Variants in PACS1 observed in about 807,000 individuals in gnomAD.
PACS1 encodes phosphofurin acidic cluster sorting protein 1.
In PACS1, 24 loss-of-function variants were observed where a neutral mutation model predicts 115.0. That is an observed-to-expected ratio of 0.21 (90% CI 0.15 to 0.29). PACS1 has a LOEUF of 0.29. Among genes scored for constraint, PACS1 ranks in the 10% least tolerant of loss-of-function variants. The probability of loss-of-function intolerance (pLI) is 1.00; values close to 1 mark genes in which losing one functional copy is unlikely to be tolerated. For missense variants in PACS1, 838 were observed against 1,251.2 expected, an observed-to-expected ratio of 0.67 and a Z score of 4.98; for synonymous variants, 453 against 504.5, an observed-to-expected ratio of 0.90 and a Z score of 1.37.
intron 1 of PACS1, among the ~76,000 whole-genome samples, chr11:66,090,640 C>T (rs1307942556): frequency 1.3e-5 from 2 of 152,098 alleles, no homozygotes; most frequent in Non-Finnish European, 1.5e-5. Context: ...TGTTGGGATT[C>T]CTGTGTCTTA....
intron 1 of PACS1, among the ~76,000 whole-genome samples, chr11:66,158,897 T>C (rs1859422822): frequency 6.6e-6 from 1 of 152,028 alleles, no homozygotes; most frequent in African/African-American, 2.4e-5. Context: ...AAAAAAGTGA[T>C]GAAAAAGACC....
intron 1 of PACS1, among the ~76,000 whole-genome samples, chr11:66,108,466 C>T (rs1858104254): frequency 6.6e-6 from 1 of 152,122 alleles, no homozygotes; most frequent in Non-Finnish European, 1.5e-5. Flanking sequence ...CCCACACCTG[C>T]AATCTCAGAG....
chr11:66,132,460 G>A (rs56889095), intron 1 of PACS1, among the ~76,000 whole-genome samples: 1 of 152,076 alleles, frequency 6.6e-6, no homozygotes, highest in Non-Finnish European at 1.5e-5. Flanking sequence ...AGATGCTTAA[G>A]TTCCTTATAT....
intron 10 of PACS1, among the ~76,000 whole-genome samples, chr11:66,226,402 A>C (rs1352035673): frequency 1.3e-5 from 2 of 152,204 alleles, no homozygotes; most frequent in Non-Finnish European, 2.9e-5. Flanking sequence ...ACATATGGCA[A>C]TGATTGGAGA....
At position 66,220,715 on chromosome 11, in the gene PACS1, A is replaced by G; in HGVS notation, c.1123A>G (p.Met375Val). The change falls in exon 9 of 24, where the codon ATG becomes GTG. Residue 375 changes from methionine to valine, a missense_variant. By Grantham distance (21) the Met-to-Val change is conservative. Coordinates refer to ENST00000320580, the MANE Select transcript of PACS1 (RefSeq NM_018026.4). ...GGATGAATTGTATGACAGTCTGGAGATGTACAACCCCAGCGACAGTGGCCC... is the reference window on the plus strand; with the variant it reads ...GGATGAATTGTATGACAGTCTGGAGGTGTACAACCCCAGCGACAGTGGCCC... ...DLDELYDSLE[M>V]YNPSDSGPEM... The G allele has an allele frequency of 6.2e-7, 1 of 1,614,026 alleles. No individual in the cohort carries two copies. Among genetic ancestry groups the G allele is most frequent in the Non-Finnish European group, 8.5e-7 (1 of 1,179,962 alleles).
At position 66,241,454 on chromosome 11, in the gene PACS1, G is replaced by T; in HGVS notation, c.2457G>T (p.Val819=). 1 of 1,606,822 alleles carries T rather than the reference G, an allele frequency of 6.2e-7. No individual in the cohort carries two copies. Among genetic ancestry groups the T allele is most frequent in the South Asian group, 1.1e-5 (1 of 89,814 alleles). Reference sequence around the variant, plus strand: ...GCCCTAATAGCCCATATGGGGACGTGATTGGCCTCCAGGTGGACTACTGGC... The same window carrying T: ...GCCCTAATAGCCCATATGGGGACGTTATTGGCCTCCAGGTGGACTACTGGC... ...VGSPNSPYGD[V]IGLQVDYWLG... The change falls in exon 22 of 24, where the codon GTG becomes GTT. Residue 819 remains valine, a synonymous_variant. Coordinates refer to ENST00000320580, the MANE Select transcript of PACS1 (RefSeq NM_018026.4).
chr11:66,118,762 A>G (rs1312892645), intron 1 of PACS1, among the ~76,000 whole-genome samples: 1 of 103,600 alleles, frequency 9.7e-6, no homozygotes, highest in East Asian at 2.9e-4. Flanking sequence ...GCGAAACCCC[A>G]TGTCTACAAA....
intron 1 of PACS1, among the ~76,000 whole-genome samples, chr11:66,091,458 A>T (rs1413125812): frequency 6.6e-6 from 1 of 151,552 alleles, no homozygotes; most frequent in Admixed American, 6.6e-5. Context: ...ATTTTTTGGT[A>T]GTCCAAATTC....
At chr11:66,217,323 A>C (rs1855236579) in intron 7 of PACS1, 1 of 324,190 alleles carries the variant, frequency 3.1e-6, no homozygotes, top group Admixed American at 4.4e-5. Context: ...AGACTTCCTC[A>C]AGAGTCACTG....
intron 1 of PACS1, among the ~76,000 whole-genome samples, chr11:66,132,139 G>A (rs1362721130): frequency 6.6e-6 from 1 of 152,160 alleles, no homozygotes; most frequent in African/African-American, 2.4e-5. Context: ...GGAGGAACCT[G>A]ATGGCAAGTG....
chr11:66,151,590 T>A (rs1352182078), intron 1 of PACS1, among the ~76,000 whole-genome samples: 1 of 152,192 alleles, frequency 6.6e-6, no homozygotes, highest in Non-Finnish European at 1.5e-5. Context: ...TCCAGGCAAG[T>A]TAACTGCCTA....
rs966140919 is a variant in PACS1, at chr11:66,151,668, C to A, written c.357-41818C>A. On this transcript the variant is annotated intron_variant, in intron 1 of 23. Transcript: ENST00000320580. ...ATCCAGAGTTGCTATAACATCTTAT[C>A]TACAATGCCAAGTTTTCAATCTACA... is the stretch of plus-strand genomic sequence containing the variant. 2.0e-5 allele frequency among the ~76,000 whole-genome samples: 3 copies of A among 152,304 alleles called. No individual in the cohort carries two copies. In the East Asian group the frequency reaches 5.8e-4, roughly 29 times the overall value.
At chr11:66,091,909 T>G (rs1857673781) in intron 1 of PACS1, among the ~76,000 whole-genome samples, 1 of 152,110 alleles carries the variant, frequency 6.6e-6, no homozygotes. Context: ...ATTTTCTTAA[T>G]CCAGTCTATC....
chr11:66,229,677 T>C (rs1437395621), intron 11 of PACS1, among the ~76,000 whole-genome samples: 1 of 151,548 alleles, frequency 6.6e-6, no homozygotes, highest in Non-Finnish European at 1.5e-5. Flanking sequence ...AGACTCCGTC[T>C]CAAAAATAAA....
intron 2 of PACS1, among the ~76,000 whole-genome samples, chr11:66,199,227 A>G (rs1854718895): frequency 6.7e-6 from 1 of 150,368 alleles, no homozygotes. Flanking sequence ...AGGCAGGAGA[A>G]TGGCGTGAAC....
At chr11:66,170,893 G>GA (rs1024808417) in intron 1 of PACS1, among the ~76,000 whole-genome samples, 16 of 121,740 alleles carry the variant, frequency 1.3e-4, no homozygotes, top group Non-Finnish European at 3.4e-5. Flanking sequence ...CTGGTTGACA[G>GA]AAAAAAACCC....
At chr11:66,134,589 G>T (rs1858798169) in intron 1 of PACS1, among the ~76,000 whole-genome samples, 1 of 151,852 alleles carries the variant, frequency 6.6e-6, no homozygotes, top group African/African-American at 2.4e-5. Flanking sequence ...TCTTAATCTG[G>T]CTGTAAAAGC....
At chr11:66,130,306 G>C (rs1383063357) in intron 1 of PACS1, among the ~76,000 whole-genome samples, 3 of 151,964 alleles carry the variant, frequency 2.0e-5, no homozygotes, top group African/African-American at 4.8e-5. Flanking sequence ...TAAGTCAAAT[G>C]AACCAAATGT....
At chr11:66,242,235 G>A (rs935748706) in intron 22 of PACS1, among the ~76,000 whole-genome samples, 5 of 152,182 alleles carry the variant, frequency 3.3e-5, no homozygotes, top group East Asian at 1.9e-4. Flanking sequence ...GCCTGCCACC[G>A]TTGGTGCCAG....
Sources: allele counts gnomAD v4.1 joint callset (sites outside exome capture counted in the v4.1 genomes callset), GRCh38; gene constraint gnomAD v4.1.1; transcripts MANE v1.5; gene names NCBI Gene and HGNC (gene_info 2026-07-23, HGNC 2026-07-21).